PUM2: variants seen among roughly 807,000 people sequenced by gnomAD.
The protein encoded by PUM2 is pumilio homolog 2.
Under a neutral mutation model 124.5 loss-of-function variants are expected in PUM2, and 57 were observed. The observed-to-expected ratio is 0.46, with a 90% confidence interval of 0.37 to 0.57. The LOEUF (loss-of-function observed/expected upper bound fraction) is 0.57, where lower values mean the gene tolerates loss of function less well. Among genes scored for constraint, PUM2 ranks in the 20% least tolerant of loss-of-function variants. The pLI is 0.00. For missense variants in PUM2, 1,065 were observed against 1,290.6 expected (o/e 0.83, Z 2.68); for synonymous variants, 460 against 446.1 (o/e 1.03, Z -0.39).
intron 1 of PUM2, among the ~76,000 whole-genome samples, chr2:20,329,595 T>C (rs1050476950): frequency 4.6e-5 from 7 of 152,198 alleles, no homozygotes; most frequent in Non-Finnish European, 1.0e-4. Context: ...AGATTGGTAC[T>C]AGAGCAGCTT....
At chr2:20,326,188 T>C in intron 2 of PUM2, 1 of 1,173,214 alleles carries the variant, frequency 8.5e-7, no homozygotes, top group Non-Finnish European at 1.1e-6. Context: ...TTCTTAGGGT[T>C]GAGAATTTTA....
intron 7 of PUM2, 115 bp from the exon 8 acceptor site, chr2:20,297,793 T>C (rs1675990138): frequency 9.5e-7 from 1 of 1,053,152 alleles, no homozygotes; most frequent in Non-Finnish European, 1.3e-6. Context: ...GAGCAGAGTG[T>C]GCATAATGGT....
At chr2:20,311,154 G>GA (rs879592312) in intron 5 of PUM2, among the ~76,000 whole-genome samples, 2,265 of 144,680 alleles carry the variant, frequency 0.016, 56 homozygotes, top group African/African-American at 0.047. Context: ...CCCAAGAGGG[G>GA]AAAAAAAAAA....
chr2:20,259,144 C>T (rs1665575250), intron 15 of PUM2, among the ~76,000 whole-genome samples: 1 of 152,202 alleles, frequency 6.6e-6, no homozygotes, highest in South Asian at 2.1e-4. Flanking sequence ...AAATAACACA[C>T]ATCTATAAAT....
chr2:20,257,636 ACT>A (rs1423012790), intron 16 of PUM2, among the ~76,000 whole-genome samples: 5 of 151,962 alleles, frequency 3.3e-5, no homozygotes, highest in African/African-American at 1.2e-4. Flanking sequence ...TTCATCCCCT[ACT>A]CTCAATATTC....
intron 7 of PUM2, among the ~76,000 whole-genome samples, chr2:20,306,189 A>G (rs1678235219): frequency 6.6e-6 from 1 of 152,174 alleles, no homozygotes; most frequent in African/African-American, 2.4e-5. Flanking sequence ...TGGGTCAAAC[A>G]ACAAGACCTC....
chr2:20,298,668 A>C (rs561743694), intron 7 of PUM2, among the ~76,000 whole-genome samples: 3 of 152,256 alleles, frequency 2.0e-5, no homozygotes, highest in South Asian at 2.1e-4. Flanking sequence ...CAGGAGTTCA[A>C]GACCAGCCTG....
intron 10 of PUM2, among the ~76,000 whole-genome samples, chr2:20,288,310 A>G (rs1380771693): frequency 6.6e-6 from 1 of 152,222 alleles, no homozygotes; most frequent in African/African-American, 2.4e-5. Flanking sequence ...AAGAGTTACA[A>G]AGAGTTGGAC....
intron 2 of PUM2, chr2:20,326,117 A>ATAT (rs1683613227): frequency 1.6e-6 from 1 of 613,900 alleles, no homozygotes; most frequent in African/African-American, 2.0e-5. Context: ...GCCTAACCAG[A>ATAT]TATTGCACTG....
chr2:20,265,946 T>C (rs765066533), intron 13 of PUM2, among the ~76,000 whole-genome samples: 5 of 152,192 alleles, frequency 3.3e-5, no homozygotes, highest in Non-Finnish European at 4.4e-5. Flanking sequence ...CGGTTTTATT[T>C]GGTACCTCCC....
chr2:20,331,892 A>T (rs981145030), intron 1 of PUM2: 1 of 152,178 alleles, frequency 6.6e-6, no homozygotes, highest in African/African-American at 2.4e-5. Context: ...AGGCCATATG[A>T]TCTCTGCTGC....
At chr2:20,282,925 C>T in intron 12 of PUM2, 22 bp downstream of exon 12, 1 of 1,608,080 alleles carries the variant, frequency 6.2e-7, no homozygotes, top group Non-Finnish European at 8.5e-7. Flanking sequence ...GCAGAGTACA[C>T]TCATCGTAAA....
At chr2:20,266,190 C>G (rs1667599644) in intron 13 of PUM2, among the ~76,000 whole-genome samples, 1 of 151,976 alleles carries the variant, frequency 6.6e-6, no homozygotes, top group African/African-American at 2.4e-5. Flanking sequence ...GCCTATAATC[C>G]CAGCATTTTT....
chr2:20,261,422 A>AAAAAAAAAAAT (rs1666230432), intron 14 of PUM2, among the ~76,000 whole-genome samples: 1 of 144,616 alleles, frequency 6.9e-6, no homozygotes, highest in Non-Finnish European at 1.5e-5. Flanking sequence ...AAAAAAAAAA[A>AAAAAAAAAAAT]GTGTAGTACA....
At position 20,307,983 on chromosome 2, in the gene PUM2, T is replaced by C. The variant is rs1193561802; in HGVS notation, c.878A>G (p.His293Arg). ...QYALAAAQQP[H>R]IAGVFSAGLA... ...GAGAACGTATGAAGACTCACCTATATGTGGCTGCTGAGCTGCTGCTAATGC... is the reference window on the plus strand; with the variant it reads ...GAGAACGTATGAAGACTCACCTATACGTGGCTGCTGAGCTGCTGCTAATGC... Residue 293 changes from histidine to arginine, a missense_variant, in exon 7 of 21, where the codon CAT becomes CGT. Coordinates refer to ENST00000361078, the MANE Select transcript of PUM2 (RefSeq NM_015317.5). 5.0e-6 allele frequency: 8 copies of C among 1,613,446 alleles called. No homozygotes were observed. The highest frequency in any genetic ancestry group is 6.8e-6 in the Non-Finnish European group (8 of 1,179,488).
chr2:20,318,736 A>G (rs1032340809), intron 2 of PUM2, 91 bp from the exon 3 acceptor site: 2 of 808,170 alleles, frequency 2.5e-6, no homozygotes. Flanking sequence ...CTATGTATAC[A>G]TTAGTTTTCA....
intron 19 of PUM2, 74 bp downstream of exon 19, chr2:20,254,789 G>A (rs539081241): frequency 2.9e-4 from 419 of 1,454,788 alleles, no homozygotes; most frequent in Non-Finnish European, 3.6e-4. Flanking sequence ...CATGCTACAC[G>A]TATTTCTGTG....
chr2:20,350,413 T>A, intron 1 of PUM2, 184 bp downstream of exon 1: 1 of 814,764 alleles, frequency 1.2e-6, no homozygotes, highest in Non-Finnish European at 1.5e-6. Context: ...GCACACCCCC[T>A]TCCGGCACCC....
chr2:20,307,885 G>A, intron 7 of PUM2, 93 bp downstream of exon 7: 2 of 1,475,838 alleles, frequency 1.4e-6, no homozygotes, highest in South Asian at 2.9e-5. Flanking sequence ...GTTTCAAAAA[G>A]TAACAAAACC....
Sources: gnomAD v4.1 joint callset for allele counts (sites outside exome capture counted in the v4.1 genomes callset) on GRCh38, gnomAD v4.1.1 for gene constraint, MANE v1.5 for transcripts, NCBI Gene and HGNC (gene_info 2026-07-23, HGNC 2026-07-21) for gene names.